Variants in SLIT2 observed in about 807,000 individuals in gnomAD.
SLIT2 encodes the protein slit homolog 2 protein.
In SLIT2, 41 loss-of-function variants were observed where a neutral mutation model predicts 185.7. That is an observed-to-expected ratio of 0.22 (90% CI 0.17 to 0.29). The LOEUF (loss-of-function observed/expected upper bound fraction) is 0.29, where lower values mean the gene tolerates loss of function less well. Ranked by LOEUF, SLIT2 falls within the 10% of genes least tolerant of loss-of-function variation. The pLI, the probability that SLIT2 is intolerant of heterozygous loss-of-function variation, is 1.00. For missense variants in SLIT2, 1,571 were observed against 1,909.0 expected (o/e 0.82, Z 3.30); for synonymous variants, 693 against 680.2 (o/e 1.02, Z -0.29).
At chr4:20,294,009 A>G (rs893131120) in intron 4 of SLIT2, among the ~76,000 whole-genome samples, 10 of 151,858 alleles carry the variant, frequency 6.6e-5, no homozygotes, top group Admixed American at 6.6e-4. Context: ...AGAACTGTAT[A>G]TGATGCTTCT....
At chr4:20,554,037 A>G (rs1043305990) in intron 26 of SLIT2, 69 bp downstream of exon 26, 1 of 1,280,774 alleles carries the variant, frequency 7.8e-7, no homozygotes, top group Admixed American at 2.3e-5. Flanking sequence ...AAAGACAACC[A>G]ATTGTCAATC....
intron 4 of SLIT2, among the ~76,000 whole-genome samples, chr4:20,338,087 C>T (rs1720656449): frequency 1.3e-5 from 2 of 152,162 alleles, no homozygotes; most frequent in African/African-American, 4.8e-5. Context: ...AAGGATATCA[C>T]TCACAAGTAA....
At chr4:20,362,326 C>T (rs924340537) in intron 4 of SLIT2, among the ~76,000 whole-genome samples, 6 of 152,056 alleles carry the variant, frequency 3.9e-5, no homozygotes, top group Non-Finnish European at 5.9e-5. Context: ...ATAACAGGAA[C>T]GCAGAGCAGC....
intron 9 of SLIT2, among the ~76,000 whole-genome samples, chr4:20,507,538 A>G (rs754185686): frequency 2.6e-5 from 4 of 151,824 alleles, no homozygotes; most frequent in Middle Eastern, 3.9e-3. Context: ...CTAACTGCAA[A>G]ATAAGATTAT....
chr4:20,510,472 A>T (rs1170405359), intron 9 of SLIT2, 23 bp from the exon 10 acceptor site: 1 of 1,545,198 alleles, frequency 6.5e-7, no homozygotes, highest in Non-Finnish European at 8.9e-7. Flanking sequence ...TCCATTTAAA[A>T]GTTGAATTTT....
At position 20,511,091 on chromosome 4, in the gene SLIT2, G is replaced by A. The variant is rs1719662662; in HGVS notation, c.1012G>A (p.Glu338Lys). The change falls in exon 11 of 37, where the codon GAA (glutamate) becomes AAA (lysine). Residue 338 changes from glutamate to lysine, a missense_variant. By Grantham distance (56) the Glu-to-Lys change is moderately conservative. Around this residue, in one of 3 missense-constraint regions of SLIT2, gnomAD observed 1,202 missense variants for 1,416.4 expected, o/e 0.85. Coordinates refer to ENST00000504154, the MANE Select transcript of SLIT2 (RefSeq NM_004787.4). ...TGACCTGAGCAATAATCAGATCTCTGAACTTGCACCAGATGCTTTCCAAGG... is the reference window on the plus strand; with the variant it reads ...TGACCTGAGCAATAATCAGATCTCTAAACTTGCACCAGATGCTTTCCAAGG... ...RIDLSNNQIS[E>K]LAPDAFQGLR... 4 of 1,606,736 alleles carry A rather than the reference G, an allele frequency of 2.5e-6. No individual in the cohort carries two copies. The highest frequency in any genetic ancestry group is 3.4e-6 in the Non-Finnish European group (4 of 1,174,076).
At chr4:20,301,206 T>G (rs1186520281) in intron 4 of SLIT2, among the ~76,000 whole-genome samples, 1 of 152,162 alleles carries the variant, frequency 6.6e-6, no homozygotes, top group African/African-American at 2.4e-5. Flanking sequence ...TTTTAAATTT[T>G]AAATTTATGA....
intron 26 of SLIT2, among the ~76,000 whole-genome samples, chr4:20,565,343 A>T (rs1577935574): frequency 6.6e-6 from 1 of 151,980 alleles, no homozygotes; most frequent in Non-Finnish European, 1.5e-5. Context: ...CTTTGTTCTG[A>T]GTTAGGTTCT....
At chr4:20,394,403 T>G (rs1017248646) in intron 4 of SLIT2, 7 of 151,926 alleles carry the variant, frequency 4.6e-5, no homozygotes, top group African/African-American at 1.7e-4. Flanking sequence ...TTGTTTAGAG[T>G]CTTTGTTAGG....
At chr4:20,437,963 C>T in intron 4 of SLIT2, among the ~76,000 whole-genome samples, 1 of 151,494 alleles carries the variant, frequency 6.6e-6, no homozygotes, top group African/African-American at 2.4e-5. Context: ...ATCCTTGACT[C>T]CCCTCTTTAC....
intron 11 of SLIT2, among the ~76,000 whole-genome samples, chr4:20,515,472 G>A (rs1249562191): frequency 6.6e-6 from 1 of 151,840 alleles, no homozygotes; most frequent in Non-Finnish European, 1.5e-5. Flanking sequence ...ATTCCACAGG[G>A]GTCTACAGTG....
At chr4:20,438,155 C>T (rs1729484983) in intron 4 of SLIT2, among the ~76,000 whole-genome samples, 1 of 152,144 alleles carries the variant, frequency 6.6e-6, no homozygotes, top group Non-Finnish European at 1.5e-5. Context: ...TATGATTCTC[C>T]AAACAGTATC....
chr4:20,409,954 A>T (rs1309021733), intron 4 of SLIT2, among the ~76,000 whole-genome samples: 1 of 152,054 alleles, frequency 6.6e-6, no homozygotes, highest in African/African-American at 2.4e-5. Flanking sequence ...TTATTTGTAG[A>T]TGCTGGGTAT....
chr4:20,468,905 G>T (rs944445965), intron 5 of SLIT2, among the ~76,000 whole-genome samples: 85 of 150,300 alleles, frequency 5.7e-4, no homozygotes, highest in African/African-American at 2.0e-3. Context: ...TGTCAAAGAA[G>T]ACAACTGTTT....
At chr4:20,390,785 T>G (rs1725357764) in intron 4 of SLIT2, among the ~76,000 whole-genome samples, 1 of 145,862 alleles carries the variant, frequency 6.9e-6, no homozygotes, top group African/African-American at 2.4e-5. Context: ...AAAAAATATA[T>G]ATATACTAAG....
intron 4 of SLIT2, among the ~76,000 whole-genome samples, chr4:20,460,884 A>T (rs1713630845): frequency 6.6e-6 from 1 of 152,236 alleles, no homozygotes; most frequent in South Asian, 2.1e-4. Flanking sequence ...AAGAGTTCAA[A>T]AGAGGGAACA....
chr4:20,545,924 A>G, intron 21 of SLIT2, 107 bp from the exon 22 acceptor site: 1 of 495,584 alleles, frequency 2.0e-6, no homozygotes, highest in Non-Finnish European at 3.5e-6. Flanking sequence ...TAAAGCAAAA[A>G]TTGCCAAGGG....
At chr4:20,431,526 C>G (rs1728978608) in intron 4 of SLIT2, among the ~76,000 whole-genome samples, 1 of 152,158 alleles carries the variant, frequency 6.6e-6, no homozygotes, top group Non-Finnish European at 1.5e-5. Flanking sequence ...TCGACTCTGA[C>G]TGCAGGCCTT....
rs559049627 is a variant in SLIT2, at chr4:20,417,409, C to T, written c.396-50343C>T. Among the ~76,000 whole-genome samples, 10 of 124,436 alleles carry T rather than the reference C, an allele frequency of 8.0e-5. No individual in the cohort carries two copies. In the South Asian group the frequency reaches 2.3e-3, roughly 29 times the overall value. 81.6% of individuals were successfully genotyped at this position (124,436 alleles called of 152,430 possible). ...ACTTCAGGACTTTATATGCCTGCTT[C>T]CCGCAATCATATATATATGTGTGTG... On this transcript the variant is annotated intron_variant, in intron 4 of 36. Coordinates refer to ENST00000504154, the MANE Select transcript of SLIT2 (RefSeq NM_004787.4).
Sources: allele counts gnomAD v4.1 joint callset (sites outside exome capture counted in the v4.1 genomes callset), GRCh38; gene constraint gnomAD v4.1.1; regional missense constraint gnomAD v4.1.1; transcripts MANE v1.5; gene names NCBI Gene and HGNC (gene_info 2026-07-23, HGNC 2026-07-21).